NDST4: variants seen among roughly 807,000 people sequenced by gnomAD.
NDST4 encodes N-heparan sulfate sulfotransferase 4.
Under a neutral mutation model 100.8 loss-of-function variants are expected in NDST4, and 63 were observed. That is an observed-to-expected ratio of 0.62 (90% CI 0.51 to 0.77). The LOEUF (loss-of-function observed/expected upper bound fraction) is 0.77, where lower values mean the gene tolerates loss of function less well. NDST4 is among the 30% of genes least tolerant of loss of function. The pLI is 0.00. For synonymous variants in NDST4, 377 were observed against 361.8 expected, an observed-to-expected ratio of 1.04 and a Z score of -0.48; for missense variants, 943 against 1,018.4, an observed-to-expected ratio of 0.93 and a Z score of 1.01.
At chr4:114,929,762 G>A (rs1036224890) in intron 6 of NDST4, among the ~76,000 whole-genome samples, 1 of 152,178 alleles carries the variant, frequency 6.6e-6, no homozygotes, top group Non-Finnish European at 1.5e-5. Context: ...TTAAAATCCT[G>A]AGATTTATTT....
chr4:115,053,200 C>T (rs1728621957), intron 2 of NDST4, among the ~76,000 whole-genome samples: 1 of 151,954 alleles, frequency 6.6e-6, no homozygotes, highest in Admixed American at 6.6e-5. Flanking sequence ...CTGAAACAGG[C>T]AATTTAAATA....
At chr4:115,060,924 C>T (rs757433346) in intron 2 of NDST4, among the ~76,000 whole-genome samples, 15 of 151,394 alleles carry the variant, frequency 9.9e-5, no homozygotes, top group East Asian at 3.9e-4. Flanking sequence ...TATTTGGGTA[C>T]GTTGAAATAA....
intron 2 of NDST4, among the ~76,000 whole-genome samples, chr4:115,070,997 C>T (rs539426324): frequency 5.3e-5 from 8 of 151,592 alleles, no homozygotes; most frequent in African/African-American, 1.5e-4. Context: ...CCCAGCTACT[C>T]GGGAGGCTGA....
intron 1 of NDST4, among the ~76,000 whole-genome samples, chr4:115,085,791 G>T (rs2055443259): frequency 6.6e-6 from 1 of 152,164 alleles, no homozygotes; most frequent in Non-Finnish European, 1.5e-5. Context: ...TCCACAGAGT[G>T]TGAGAATGAC....
chr4:114,830,030 C>A (rs1723161867), intron 12 of NDST4, 138 bp from the exon 13 acceptor site: 1 of 654,568 alleles, frequency 1.5e-6, no homozygotes, highest in East Asian at 2.9e-5. Context: ...ATTTATTTAG[C>A]TGATTTGAGA....
At chr4:114,924,073 T>G (rs569701156) in intron 6 of NDST4, among the ~76,000 whole-genome samples, 1 of 152,236 alleles carries the variant, frequency 6.6e-6, no homozygotes, top group East Asian at 1.9e-4. Context: ...AATCTCTCTC[T>G]TATTTCATGA....
intron 7 of NDST4, among the ~76,000 whole-genome samples, chr4:114,863,991 C>A (rs532270078): frequency 7.2e-4 from 109 of 152,084 alleles, no homozygotes; most frequent in Non-Finnish European, 7.6e-4. Context: ...TACCATTTAC[C>A]TTATTATAAT....
intron 2 of NDST4, among the ~76,000 whole-genome samples, chr4:115,028,046 GTAAAACTCCGTC>G (rs1728027421): frequency 6.6e-6 from 1 of 150,376 alleles, no homozygotes; most frequent in Non-Finnish European, 1.5e-5. Flanking sequence ...GGCAATAAGA[GTAAAACTCCGTC>G]TAAAAAAAAA....
At chr4:115,002,431 C>T (rs1353328132) in intron 2 of NDST4, among the ~76,000 whole-genome samples, 1 of 152,156 alleles carries the variant, frequency 6.6e-6, no homozygotes, top group Admixed American at 6.6e-5. Flanking sequence ...AAAAATTTCT[C>T]CCATTCTGTA....
At chr4:115,033,242 C>T (rs1422673600) in intron 2 of NDST4, among the ~76,000 whole-genome samples, 1 of 147,744 alleles carries the variant, frequency 6.8e-6, no homozygotes, top group Non-Finnish European at 1.5e-5. Flanking sequence ...CAGCACTGAT[C>T]TCCCAGGCTC....
At chr4:115,065,137 C>A (rs959769706) in intron 2 of NDST4, among the ~76,000 whole-genome samples, 1 of 152,030 alleles carries the variant, frequency 6.6e-6, no homozygotes, top group Non-Finnish European at 1.5e-5. Flanking sequence ...TCTACTTCTG[C>A]GAGGACTTTC....
intron 4 of NDST4, among the ~76,000 whole-genome samples, chr4:114,939,966 T>C (rs1725713805): frequency 6.6e-6 from 1 of 152,196 alleles, no homozygotes; most frequent in South Asian, 2.1e-4. Context: ...CTATTTTCTA[T>C]TGTCCAGGGC....
chr4:115,052,510 G>C (rs1013005247), intron 2 of NDST4, among the ~76,000 whole-genome samples: 7 of 151,998 alleles, frequency 4.6e-5, no homozygotes, highest in African/African-American at 1.7e-4. Context: ...TCATGGGGGC[G>C]AGTCTTCCCC....
In NDST4 at chr4:114,871,021, G is replaced by T. The variant is rs886343472; in HGVS notation, c.1537-71C>A. The T allele has an allele frequency of 3.6e-6, 4 of 1,107,294 alleles. No homozygotes were observed. The East Asian group carries it at 1.1e-4, about 31-fold the overall frequency. The allele number at this position is 1,107,294 out of a possible 1,614,324, so 68.6% of individuals were successfully genotyped here. Reference sequence around the variant, plus strand: ...CTTAAAAGTAGCAGTACAAGCCCCAGGCAGCACCTCACCTCACCTTGGAAT... The same window carrying T: ...CTTAAAAGTAGCAGTACAAGCCCCATGCAGCACCTCACCTCACCTTGGAAT... On this transcript the variant is annotated intron_variant, in intron 6 of 13. Transcript: ENST00000264363.
intron 2 of NDST4, among the ~76,000 whole-genome samples, chr4:115,020,362 C>T (rs1016340736): frequency 3.3e-5 from 5 of 152,004 alleles, no homozygotes; most frequent in African/African-American, 1.2e-4. Context: ...AGTCCAAAGG[C>T]TTCATAAAAG....
At chr4:115,021,469 G>A (rs962352797) in intron 2 of NDST4, among the ~76,000 whole-genome samples, 26 of 143,502 alleles carry the variant, frequency 1.8e-4, no homozygotes, top group African/African-American at 2.6e-4. Context: ...ATGTACACAC[G>A]TTCCACATAT....
chr4:114,916,533 G>T (rs554562868), intron 6 of NDST4, among the ~76,000 whole-genome samples: 2 of 127,824 alleles, frequency 1.6e-5, no homozygotes, highest in Non-Finnish European at 3.2e-5. Flanking sequence ...GTCCTGGTAG[G>T]CTCTGTGTGT....
intron 1 of NDST4, among the ~76,000 whole-genome samples, chr4:115,107,548 T>C (rs1161727887): frequency 1.3e-5 from 2 of 152,084 alleles, no homozygotes; most frequent in Non-Finnish European, 2.9e-5. Context: ...ATTTACTGAG[T>C]TTCTGCCTTA....
chr4:115,016,913 C>T (rs1727690417), intron 2 of NDST4, among the ~76,000 whole-genome samples: 1 of 151,888 alleles, frequency 6.6e-6, no homozygotes, highest in Non-Finnish European at 1.5e-5. Flanking sequence ...TAAATACCAG[C>T]TATGACCATG....
Sources: allele counts gnomAD v4.1 joint callset (sites outside exome capture counted in the v4.1 genomes callset), GRCh38; gene constraint gnomAD v4.1.1; transcripts MANE v1.5; gene names NCBI Gene and HGNC (gene_info 2026-07-23, HGNC 2026-07-21).